The following CTNNA2 variants were observed in gnomAD, a reference collection of about 807,000 sequenced individuals.
CTNNA2 encodes catenin alpha-2.
In CTNNA2, 42 loss-of-function variants were observed where a neutral mutation model predicts 101.0. The ratio of observed to expected loss-of-function variants is 0.42; its 90% CI spans 0.32 to 0.54. CTNNA2 has a LOEUF of 0.54. Among genes scored for constraint, CTNNA2 ranks in the 20% least tolerant of loss-of-function variants. CTNNA2 has a pLI of 0.14. For missense variants in CTNNA2, 871 were observed against 1,223.1 expected (o/e 0.71, Z 4.29); for synonymous variants, 450 against 456.4 (o/e 0.99, Z 0.18).
At chr2:80,560,426 AGT>A (rs1374630899) in intron 12 of CTNNA2, among the ~76,000 whole-genome samples, 14 of 152,304 alleles carry the variant, frequency 9.2e-5, no homozygotes, top group African/African-American at 3.4e-4. Flanking sequence ...CAAATCAGTT[AGT>A]GCCTCTGGGA....
chr2:79,947,566 C>A (rs1451787996), intron 7 of CTNNA2, among the ~76,000 whole-genome samples: 3 of 152,098 alleles, frequency 2.0e-5, no homozygotes, highest in Non-Finnish European at 2.9e-5. Context: ...AACAGATAAA[C>A]CATTAGATTG....
At chr2:79,718,597 A>G (rs1477707436) in intron 2 of CTNNA2, among the ~76,000 whole-genome samples, 1 of 152,210 alleles carries the variant, frequency 6.6e-6, no homozygotes, top group African/African-American at 2.4e-5. Flanking sequence ...TCACTTGAAC[A>G]GAAGACATAT....
intron 4 of CTNNA2, among the ~76,000 whole-genome samples, chr2:79,470,273 C>A (rs554856920): frequency 3.3e-5 from 5 of 152,162 alleles, no homozygotes; most frequent in African/African-American, 1.2e-4. Flanking sequence ...GAGGCTTAGG[C>A]GGGAGGAGCA....
chr2:79,332,877 C>A (rs1481760183), intron 3 of CTNNA2, among the ~76,000 whole-genome samples: 1 of 151,968 alleles, frequency 6.6e-6, no homozygotes, highest in Non-Finnish European at 1.5e-5. Context: ...AGCTCAAGAA[C>A]AAAAATTCAC....
At chr2:80,628,253 G>GA (rs552127398) in intron 18 of CTNNA2, among the ~76,000 whole-genome samples, 2,708 of 146,962 alleles carry the variant, frequency 0.018, 44 homozygotes, top group African/African-American at 0.041. Flanking sequence ...CACAGAATTG[G>GA]AAAAAAAAAC....
intron 7 of CTNNA2, among the ~76,000 whole-genome samples, chr2:80,190,769 A>G (rs1340077951): frequency 6.6e-6 from 1 of 152,092 alleles, no homozygotes; most frequent in Non-Finnish European, 1.5e-5. Context: ...CTCCTGTTTG[A>G]GTATTTTGTG....
At chr2:79,713,714 T>A (rs6736887) in intron 2 of CTNNA2, among the ~76,000 whole-genome samples, 22,349 of 152,124 alleles carry the variant, frequency 0.15, 2,337 homozygotes, top group African/African-American at 0.3. Context: ...TTCCACTGAA[T>A]TCCCTGTTCA....
At chr2:80,401,781 G>A (rs151125839) in intron 8 of CTNNA2, among the ~76,000 whole-genome samples, 5 of 149,622 alleles carry the variant, frequency 3.3e-5, no homozygotes, top group Admixed American at 6.6e-5. Context: ...CCATGTTTGA[G>A]GCTTGTAAGA....
At chr2:80,391,644 G>A (rs1214419026) in intron 7 of CTNNA2, among the ~76,000 whole-genome samples, 1 of 152,192 alleles carries the variant, frequency 6.6e-6, no homozygotes, top group Non-Finnish European at 1.5e-5. Context: ...ATAGCCTTTG[G>A]CTGCTGAATT....
intron 8 of CTNNA2, among the ~76,000 whole-genome samples, chr2:80,407,260 C>T (rs1412228345): frequency 6.6e-6 from 1 of 152,186 alleles, no homozygotes; most frequent in Non-Finnish European, 1.5e-5. Context: ...AGTTAGCCTC[C>T]TCAGTTCTCT....
chr2:80,020,397 G>A (rs867326701), intron 7 of CTNNA2, among the ~76,000 whole-genome samples: 1 of 152,130 alleles, frequency 6.6e-6, no homozygotes, highest in African/African-American at 2.4e-5. Flanking sequence ...GAAAGGGAAA[G>A]GAGAGGTAGA....
chr2:80,305,624 T>C (rs1676861676), intron 7 of CTNNA2, among the ~76,000 whole-genome samples: 1 of 152,182 alleles, frequency 6.6e-6, no homozygotes, highest in South Asian at 2.1e-4. Flanking sequence ...CCTCTGAGTA[T>C]GACGAGAAGC....
At chr2:80,620,910 G>T (rs1671053552) in intron 18 of CTNNA2, among the ~76,000 whole-genome samples, 1 of 151,882 alleles carries the variant, frequency 6.6e-6, no homozygotes, top group South Asian at 2.1e-4. Flanking sequence ...AGTCTATCAT[G>T]GAATGCATTG....
In CTNNA2 at chr2:79,242,999, C is replaced by CACACACACACAT. The variant is rs1553385596; in HGVS notation, c.-406+44934_-406+44935insTACACACACACA. ...ATATATATATATATATATATACACACACACACACACACACACACACACACA... is the reference window on the plus strand; with the variant it reads ...ATATATATATATATATATATACACACACACACACACATACACACACACACACACACACACACA... On this transcript the variant is annotated intron_variant, in intron 2 of 21. Transcript: ENST00000466387. 7.8e-3 allele frequency among the ~76,000 whole-genome samples: 857 copies of CACACACACACAT among 109,884 alleles called. 14 individuals carry two copies. The highest frequency in any genetic ancestry group is 0.021 in the African/African-American group (671 of 32,216). 72.1% of individuals were successfully genotyped at this position (109,884 alleles called of 152,430 possible).
chr2:80,380,359 T>G (rs534045321), intron 7 of CTNNA2, among the ~76,000 whole-genome samples: 2 of 152,076 alleles, frequency 1.3e-5, no homozygotes, highest in Non-Finnish European at 2.9e-5. Context: ...TGGGAAGAGA[T>G]GTTGCTCTTC....
chr2:79,660,501 A>G (rs921196378), intron 2 of CTNNA2, among the ~76,000 whole-genome samples: 1 of 152,070 alleles, frequency 6.6e-6, no homozygotes, highest in East Asian at 1.9e-4. Context: ...TTATTGTTTT[A>G]TAAATATGGT....
intron 9 of CTNNA2, among the ~76,000 whole-genome samples, chr2:80,508,555 C>T (rs1327895762): frequency 6.6e-6 from 1 of 151,992 alleles, no homozygotes; most frequent in African/African-American, 2.4e-5. Context: ...CGTAGCTTTA[C>T]CCTACAACAT....
At chr2:79,687,429 G>C (rs188419414) in intron 2 of CTNNA2, 1 of 502,846 alleles carries the variant, frequency 2.0e-6, no homozygotes, top group Non-Finnish European at 3.5e-6. Context: ...ATCCATAAAA[G>C]GTCATTTGGA....
intron 3 of CTNNA2, among the ~76,000 whole-genome samples, chr2:79,791,040 C>G (rs1251441554): frequency 1.3e-5 from 2 of 152,126 alleles, no homozygotes; most frequent in Non-Finnish European, 2.9e-5. Flanking sequence ...TATAAACCTA[C>G]TTGTATTCAA....
Sources: allele counts gnomAD v4.1 joint callset (sites outside exome capture counted in the v4.1 genomes callset), GRCh38; gene constraint gnomAD v4.1.1; transcripts MANE v1.5; gene names NCBI Gene and HGNC (gene_info 2026-07-23, HGNC 2026-07-21).